Variants in SLC43A3 observed in about 807,000 individuals in gnomAD.
SLC43A3 encodes solute carrier family 43 member 3.
SLC43A3 carries 33 observed loss-of-function variants against 53.3 expected under a neutral mutation model. The observed-to-expected ratio is 0.62, with a 90% CI of 0.47 to 0.83. The LOEUF is 0.83. Among genes scored for constraint, SLC43A3 ranks in the 40% least tolerant of loss-of-function variants. The probability of loss-of-function intolerance (pLI) is 0.00; values close to 1 mark genes in which losing one functional copy is unlikely to be tolerated. For synonymous variants in SLC43A3, 236 were observed against 246.2 expected, an observed-to-expected ratio of 0.96 and a Z score of 0.39; for missense variants, 530 against 610.0, an observed-to-expected ratio of 0.87 and a Z score of 1.38.
At chr11:57,419,733 T>G (rs536640459) in intron 7 of SLC43A3, among the ~76,000 whole-genome samples, 3 of 150,964 alleles carry the variant, frequency 2.0e-5, no homozygotes, top group East Asian at 1.9e-4. Context: ...TAGGCAGAGA[T>G]TGCAGTGAGC....
chr11:57,416,072 T>C (rs1035963824), intron 9 of SLC43A3, among the ~76,000 whole-genome samples: 1 of 152,184 alleles, frequency 6.6e-6, no homozygotes, highest in Non-Finnish European at 1.5e-5. Context: ...ATCTGCTCCT[T>C]TTTGTCCTTC....
At chr11:57,413,303 T>C (rs1423858216) in intron 11 of SLC43A3, among the ~76,000 whole-genome samples, 1 of 152,166 alleles carries the variant, frequency 6.6e-6, no homozygotes, top group Non-Finnish European at 1.5e-5. Flanking sequence ...GGACCAGGCA[T>C]GGATCCTAAT....
In SLC43A3 at chr11:57,408,090, C is replaced by T. The variant is rs906841280; in HGVS notation, c.1372-194G>A. 1.1e-5 allele frequency: 6 copies of T among 542,036 alleles called. No homozygotes were observed. In the Admixed American group the frequency reaches 1.3e-4, roughly 12 times the overall value. The allele number at this position is 542,036 out of a possible 1,614,324, so 33.6% of individuals were successfully genotyped here. A position where few individuals can be genotyped will look rare whatever the true frequency, so the allele number is the denominator to read the frequency against. On this transcript the variant is annotated intron_variant, in intron 13 of 13. Coordinates refer to ENST00000395124, the MANE Select transcript of SLC43A3 (RefSeq NM_199329.3). The stretch of plus-strand genomic sequence containing the variant: ...TCAGTTACTTTTCATTCTGCACTAT[C>T]GGTTGGGGTAGAGGAGGAATATCAA...
At chr11:57,424,108 G>A in intron 4 of SLC43A3, 80 bp from the exon 5 acceptor site, 2 of 1,396,050 alleles carry the variant, frequency 1.4e-6, no homozygotes, top group East Asian at 2.4e-5. Flanking sequence ...TGCTCAGCCA[G>A]CCCACAAGTG....
intron 8 of SLC43A3, 61 bp downstream of exon 8, chr11:57,417,687 T>A: frequency 6.2e-7 from 1 of 1,600,670 alleles, no homozygotes; most frequent in South Asian, 1.1e-5. Flanking sequence ...TGCTTTACCC[T>A]GTCCATCCCA....
At chr11:57,419,540 G>A (rs916791930) in intron 7 of SLC43A3, among the ~76,000 whole-genome samples, 99 of 152,176 alleles carry the variant, frequency 6.5e-4, no homozygotes, top group Non-Finnish European at 1.3e-3. Context: ...GCTCATGCCT[G>A]TAATTTCAGC....
At chr11:57,425,338 G>A (rs147356302) in intron 4 of SLC43A3, among the ~76,000 whole-genome samples, 53 of 152,374 alleles carry the variant, frequency 3.5e-4, no homozygotes, top group African/African-American at 1.3e-3. Flanking sequence ...TAAGGAAATG[G>A]AAGTGGGGCT....
rs1440902602 is a variant in SLC43A3 at position 57,426,021 on chromosome 11, G to A, written c.152C>T (p.Ala51Val). Reference protein sequence around the residue: ...DYFKDLCGPDAGPIGNATGQA... With the variant: ...DYFKDLCGPDVGPIGNATGQA... ...CCCTGTGGCATTGCCAATCGGCCCA[G>A]CATCTGGTCCACACAGATCCTTAAA... is the stretch of plus-strand genomic sequence containing the variant. Residue 51 changes from alanine to valine, a missense_variant, in exon 3 of 14, where the codon GCT becomes GTT. Around this residue, in one of 3 missense-constraint regions of SLC43A3, gnomAD observed 376 missense variants for 386.7 expected, o/e 0.97. Coordinates refer to ENST00000395124, the MANE Select transcript of SLC43A3 (RefSeq NM_199329.3). The A allele has an allele frequency of 6.2e-7, 1 of 1,614,258 alleles. No homozygotes were observed. Among genetic ancestry groups the A allele is most frequent in the South Asian group, 1.1e-5 (1 of 91,092 alleles).
intron 4 of SLC43A3, among the ~76,000 whole-genome samples, chr11:57,424,343 G>A (rs1943112975): frequency 6.6e-6 from 1 of 152,218 alleles, no homozygotes; most frequent in Non-Finnish European, 1.5e-5. Context: ...GACAGAATGG[G>A]CAAAGCGAAG....
At chr11:57,409,533 C>A (rs940592803) in intron 12 of SLC43A3, among the ~76,000 whole-genome samples, 2 of 152,230 alleles carry the variant, frequency 1.3e-5, no homozygotes, top group Non-Finnish European at 2.9e-5. Flanking sequence ...CTCATGCAGG[C>A]TGCACCAGGA....
chr11:57,424,912 A>C (rs1356495465), intron 4 of SLC43A3, among the ~76,000 whole-genome samples: 4 of 152,228 alleles, frequency 2.6e-5, no homozygotes, highest in Admixed American at 2.6e-4. Flanking sequence ...CTGGCCACAG[A>C]GCACGAGATT....
Position 57,407,621 on chromosome 11 carries a change from G to T in SLC43A3, c.*171C>A. 1 of 567,402 alleles carries T rather than the reference G, an allele frequency of 1.8e-6. No homozygotes were observed. 35.1% of individuals were successfully genotyped at this position (567,402 alleles called of 1,614,324 possible). On this transcript the variant is annotated 3_prime_UTR_variant, in exon 14 of 14. Transcript: ENST00000395124. ...TGTGATATCAATCTGCTTGGCAACT[G>T]AGATTCTTTTCTTGCTGCGCAGACG...
intron 9 of SLC43A3, 101 bp from the exon 10 acceptor site, chr11:57,415,207 C>T (rs897453133): frequency 6.4e-7 from 1 of 1,557,824 alleles, no homozygotes. Context: ...TCCGGGCCCA[C>T]CTTCTACCCT....
intron 7 of SLC43A3, among the ~76,000 whole-genome samples, chr11:57,418,815 G>A (rs1350602390): frequency 2.6e-5 from 4 of 151,962 alleles, no homozygotes; most frequent in Non-Finnish European, 5.9e-5. Flanking sequence ...GCTTGAACCC[G>A]GGAGGCGGAG....
At chr11:57,426,445 G>A (rs11229028) in intron 2 of SLC43A3, 93 bp from the exon 3 acceptor site, 109,168 of 473,172 alleles carry the variant, frequency 0.23, 13,401 homozygotes, top group Non-Finnish European at 0.25. Context: ...TAAGAGGCAG[G>A]ATGATCATGG....
rs575353680 is a variant in SLC43A3 at position 57,416,398 on chromosome 11, C to T, written c.769+175G>A. Among the ~76,000 whole-genome samples the T allele has an allele frequency of 2.0e-5, 3 of 152,230 alleles. No individual in the cohort carries two copies. The East Asian group carries it at 5.8e-4, about 29-fold the overall frequency. On this transcript the variant is annotated intron_variant, in intron 9 of 13. Transcript: ENST00000395124. ...AGAGAAAAGAGGGACAGAAAAGAGA[C>T]GAAAGCCCTGGACCCTCCATTAAGT...
chr11:57,413,393 A>G (rs558115581), intron 11 of SLC43A3, among the ~76,000 whole-genome samples: 2 of 152,348 alleles, frequency 1.3e-5, no homozygotes, highest in Admixed American at 6.5e-5. Flanking sequence ...GATGATATGA[A>G]GAAATTATTG....
At chr11:57,426,934 CG>C in intron 1 of SLC43A3, 127 bp downstream of exon 1, 1 of 151,344 alleles carries the variant, frequency 6.6e-6, no homozygotes, top group Non-Finnish European at 1.5e-5. Context: ...GGAAAGCCTC[CG>C]GGGGCCGCTC....
intron 9 of SLC43A3, chr11:57,415,535 T>C: frequency 1.8e-6 from 1 of 542,808 alleles, no homozygotes. Context: ...CTGAGTTTCT[T>C]TGGGAAATCT....
Sources: allele counts gnomAD v4.1 joint callset (sites outside exome capture counted in the v4.1 genomes callset), GRCh38; gene constraint gnomAD v4.1.1; regional missense constraint gnomAD v4.1.1; transcripts MANE v1.5; gene names NCBI Gene and HGNC (gene_info 2026-07-23, HGNC 2026-07-21).